The following ATAT1 variants were observed in gnomAD, a reference collection of about 807,000 sequenced individuals.
The protein encoded by ATAT1 is alpha tubulin acetyltransferase 1, also known as alpha-tubulin N-acetyltransferase 1.
A neutral mutation model predicts 57.2 loss-of-function variants in ATAT1; 42 were observed. That is an observed-to-expected ratio of 0.73 (90% CI 0.57 to 0.95). ATAT1 has a LOEUF of 0.95. Ranked by LOEUF, ATAT1 falls within the 40% of genes least tolerant of loss-of-function variation. ATAT1 has a pLI of 0.00. For synonymous variants in ATAT1, 168 were observed against 187.1 expected (o/e 0.90, Z 0.83); for missense variants, 454 against 523.7 (o/e 0.87, Z 1.30).
intron 10 of ATAT1, chr6:30,643,629 C>T (rs759996510): frequency 1.2e-5 from 19 of 1,549,980 alleles, no homozygotes; most frequent in East Asian, 2.4e-5. Flanking sequence ...GAACCTCAGA[C>T]CCACTCTTCC....
intron 4 of ATAT1, 30 bp downstream of exon 4, chr6:30,627,941 A>G (rs1280024953): frequency 4.3e-6 from 7 of 1,611,980 alleles, no homozygotes; most frequent in Non-Finnish European, 5.9e-6. Context: ...AGGAGTTCGT[A>G]TACCTTGGTT....
At chr6:30,635,334 C>G (rs181704861) in intron 6 of ATAT1, among the ~76,000 whole-genome samples, 94 of 152,186 alleles carry the variant, frequency 6.2e-4, no homozygotes, top group Non-Finnish European at 1.1e-3. Flanking sequence ...TGTGGTGGCT[C>G]ACACCTGTAA....
chr6:30,642,449 C>T (rs995519428), intron 9 of ATAT1, among the ~76,000 whole-genome samples: 3 of 152,040 alleles, frequency 2.0e-5, no homozygotes, highest in Admixed American at 1.3e-4. Context: ...TCAAGACCAG[C>T]CTGGCCAACA....
chr6:30,638,123 C>T (rs1212767244), intron 6 of ATAT1, among the ~76,000 whole-genome samples: 12 of 152,112 alleles, frequency 7.9e-5, no homozygotes, highest in African/African-American at 2.2e-4. Flanking sequence ...GTGATCGGCC[C>T]GCCTCGGCCT....
rs776324588 is a variant in ATAT1 at position 30,640,587 on chromosome 6, C to T, written c.600C>T (p.Val200=). 2.2e-5 allele frequency: 35 copies of T among 1,612,814 alleles called. No individual in the cohort carries two copies. The highest frequency in any genetic ancestry group is 2.7e-5 in the Non-Finnish European group (32 of 1,180,014). ...CTCGACACTCTCGTGCTGCTGCAGT[C>T]GATCCCACGCCCGCTGGTAAAGCCT... Residue 200 remains valine (V), a synonymous_variant, in exon 8 of 13, where the codon GTC becomes GTT. Transcript: ENST00000330083.
rs560285719 is a variant in ATAT1, at chr6:30,628,924, CAG to C, written c.501+497_501+498del. ...GACTTTTTTTTTTTTTTTTTCAAAG[CAG>C]AGTCTCCTGCTGTTGCCCAAGCTGG... On this transcript the variant is annotated intron_variant, in intron 6 of 12. Coordinates refer to ENST00000330083, the MANE Select transcript of ATAT1 (RefSeq NM_001031722.4). 4.3e-3 allele frequency among the ~76,000 whole-genome samples: 611 copies of C among 143,688 alleles called. 5 individuals are homozygous for C. Among genetic ancestry groups the C allele is most frequent in the African/African-American group, 0.015 (595 of 38,484 alleles). 94.3% of individuals were successfully genotyped at this position (143,688 alleles called of 152,430 possible).
At chr6:30,643,918 G>C (rs1409572673) in intron 10 of ATAT1, 1 of 1,144,362 alleles carries the variant, frequency 8.7e-7, no homozygotes, top group African/African-American at 1.6e-5. Context: ...AAGGTCTAAG[G>C]GCATCCTGTG....
At chr6:30,638,562 G>A (rs1254649890) in intron 6 of ATAT1, among the ~76,000 whole-genome samples, 1 of 149,966 alleles carries the variant, frequency 6.7e-6, no homozygotes. Flanking sequence ...GATCCACCAC[G>A]CCTGGCCCCC....
At chr6:30,634,682 A>C (rs886819297) in intron 6 of ATAT1, among the ~76,000 whole-genome samples, 3 of 149,986 alleles carry the variant, frequency 2.0e-5, no homozygotes, top group Admixed American at 1.3e-4. Context: ...AAAAAAAAAA[A>C]ACCTTGTTTA....
At chr6:30,633,819 G>T in intron 6 of ATAT1, 1 of 173,478 alleles carries the variant, frequency 5.8e-6, no homozygotes, top group South Asian at 1.6e-4. Context: ...AAGAGGAGAA[G>T]GAAGAGGAAG....
chr6:30,644,982 C>G (rs1766380465), intron 10 of ATAT1, among the ~76,000 whole-genome samples: 1 of 152,176 alleles, frequency 6.6e-6, no homozygotes, highest in Non-Finnish European at 1.5e-5. Flanking sequence ...GCCAAGATGT[C>G]AAAGCTTACC....
chr6:30,640,825 C>T, intron 8 of ATAT1: 1 of 597,904 alleles, frequency 1.7e-6, no homozygotes, highest in East Asian at 2.8e-5. Context: ...TGTTTGACAG[C>T]TGATATCAAT....
chr6:30,628,246 C>G, intron 5 of ATAT1, 83 bp from the exon 6 acceptor site: 2 of 1,536,204 alleles, frequency 1.3e-6, no homozygotes, highest in Non-Finnish European at 1.8e-6. Context: ...CCATGTCATT[C>G]TATTCCCTTC....
At chr6:30,642,506 G>A (rs927213212) in intron 9 of ATAT1, among the ~76,000 whole-genome samples, 22 of 152,018 alleles carry the variant, frequency 1.4e-4, no homozygotes, top group African/African-American at 3.6e-4. Context: ...AGCTGGGCAC[G>A]GTGGCACGTG....
intron 6 of ATAT1, among the ~76,000 whole-genome samples, chr6:30,639,147 A>AT (rs1209023297): frequency 5.9e-5 from 9 of 151,880 alleles, no homozygotes; most frequent in African/African-American, 2.2e-4. Context: ...TGCCTGGCTA[A>AT]TTTTTTGTAT....
At chr6:30,643,473 C>T in intron 10 of ATAT1, 7 of 1,548,186 alleles carry the variant, frequency 4.5e-6, no homozygotes. Flanking sequence ...TTTTCTCTCC[C>T]CCGCCCCCCG....
intron 10 of ATAT1, chr6:30,643,656 C>A (rs1314363259): frequency 2.6e-6 from 4 of 1,542,602 alleles, no homozygotes; most frequent in Non-Finnish European, 3.5e-6. Flanking sequence ...TCCTGTAGGA[C>A]CCAGTGGAAC....
intron 5 of ATAT1, 84 bp downstream of exon 5, chr6:30,628,229 C>A (rs1762086070): frequency 1.3e-6 from 2 of 1,524,850 alleles, no homozygotes; most frequent in African/African-American, 1.4e-5. Context: ...TCCCACCCCC[C>A]ATGTTCCCAT....
At chr6:30,632,241 C>T (rs184899851) in intron 6 of ATAT1, among the ~76,000 whole-genome samples, 8 of 147,468 alleles carry the variant, frequency 5.4e-5, no homozygotes, top group Non-Finnish European at 1.2e-4. Flanking sequence ...TGCACTCCTG[C>T]CTGGGCGACA....
Sources: gnomAD v4.1 joint callset for allele counts (sites outside exome capture counted in the v4.1 genomes callset) on GRCh38, gnomAD v4.1.1 for gene constraint, MANE v1.5 for transcripts, NCBI Gene and HGNC (gene_info 2026-07-23, HGNC 2026-07-21) for gene names.